Variants in CYREN observed in about 807,000 individuals in gnomAD.
CYREN encodes cell cycle regulator of non-homologous end joining.
CYREN carries 7 observed loss-of-function variants against 9.7 expected under a neutral mutation model. The ratio of observed to expected loss-of-function variants is 0.72; its 90% CI spans 0.41 to 1.36. The LOEUF (loss-of-function observed/expected upper bound fraction) is 1.36. Ranked by LOEUF, CYREN falls within the 40% of genes most tolerant of loss-of-function variation. CYREN has a pLI of 0.01. For missense variants in CYREN, 215 were observed against 198.1 expected, an observed-to-expected ratio of 1.09 and a Z score of -0.51; for synonymous variants, 76 against 77.9, an observed-to-expected ratio of 0.98 and a Z score of 0.13.
chr7:135,109,651 C>T (rs1329994767), intron 2 of CYREN, among the ~76,000 whole-genome samples: 1 of 152,188 alleles, frequency 6.6e-6, no homozygotes, highest in Non-Finnish European at 1.5e-5. Context: ...GAAACTGTTG[C>T]TGACAGAAAA....
At chr7:135,160,861 G>A (rs767519449), downstream of CYREN, among the ~76,000 whole-genome samples, 1 of 152,222 alleles carries the variant, frequency 6.6e-6, no homozygotes, top group Non-Finnish European at 1.5e-5. Context: ...CAGAGTGTGG[G>A]CTGAAGGAGC....
intron 2 of CYREN, chr7:135,168,583 G>T: frequency 1.5e-6 from 1 of 683,864 alleles, no homozygotes; most frequent in Non-Finnish European, 2.4e-6. Context: ...TGCAGAGGCA[G>T]AAGTGGGTGC....
chr7:135,092,628 T>C (rs1012289966), exon 3 of CYREN: 16 of 152,140 alleles, frequency 1.1e-4, no homozygotes, highest in African/African-American at 3.6e-4. Context: ...ATGCTACTTA[T>C]TGTGTTATGG....
rs1468123700 is a variant in CYREN, at chr7:135,145,573, T to C, written n.356+23176A>G. Among the ~76,000 whole-genome samples, 8 of 152,322 alleles carry C rather than the reference T, an allele frequency of 5.3e-5. No homozygotes were observed. The South Asian group carries it at 1.0e-3, about 20-fold the overall frequency. ...TACTTGATGCATAGAAATTTATTCA[T>C]AGAAGATTTGATAAAGATTTGAGGG... On this transcript the variant is annotated intron_variant and non_coding_transcript_variant, in intron 2 of 2. Transcript: ENST00000459937.
At chr7:135,169,156 CA>C in intron 1 of CYREN, 96 bp from the exon 2 acceptor site, 1 of 400,698 alleles carries the variant, frequency 2.5e-6, no homozygotes, top group Non-Finnish European at 4.5e-6. Flanking sequence ...GACCAAGGCC[CA>C]AGAGACTCAG....
At chr7:135,121,201 G>A (rs1413195844) in intron 2 of CYREN, among the ~76,000 whole-genome samples, 6 of 152,050 alleles carry the variant, frequency 3.9e-5, no homozygotes, top group Non-Finnish European at 5.9e-5. Context: ...ACAAAACTCC[G>A]TCTCAAAAAA....
chr7:135,162,769 A>G (rs1468320868), downstream of CYREN, among the ~76,000 whole-genome samples: 2 of 152,234 alleles, frequency 1.3e-5, no homozygotes, highest in Non-Finnish European at 2.9e-5. Flanking sequence ...AAACCATATC[A>G]GCCGAAACTT....
At chr7:135,149,406 C>T (rs1338045256) in intron 2 of CYREN, among the ~76,000 whole-genome samples, 1 of 152,020 alleles carries the variant, frequency 6.6e-6, no homozygotes, top group African/African-American at 2.4e-5. Context: ...AGTATTTTAT[C>T]CTTGATACAT....
chr7:135,165,264 A>G (rs529622083), downstream of CYREN: 7 of 390,390 alleles, frequency 1.8e-5, no homozygotes, highest in Non-Finnish European at 2.4e-5. Context: ...TGTCACACCA[A>G]TTCCTGCTTT....
rs192506087 is a variant in CYREN at position 135,122,228 on chromosome 7, C to T, written n.357-27646G>A. ...TCAGGGAGGCTGAACAGCTTGGTTC[C>T]AAGACATGTTCCCCAAAGCCCAACA... On this transcript the variant is annotated intron_variant and non_coding_transcript_variant, in intron 2 of 2. Transcript: ENST00000459937. Among the ~76,000 whole-genome samples the T allele has an allele frequency of 2.9e-4, 44 of 152,314 alleles. 1 individual carries two copies. The East Asian group carries it at 6.6e-3, about 23-fold the overall frequency.
chr7:135,143,461 C>T (rs1274680112), intron 2 of CYREN, among the ~76,000 whole-genome samples: 1 of 152,060 alleles, frequency 6.6e-6, no homozygotes, highest in Non-Finnish European at 1.5e-5. Flanking sequence ...ATTGCCTTCA[C>T]AAAAATTAAC....
Position 135,133,067 on chromosome 7 carries a change from G to GCACACACA in CYREN, n.356+35674_356+35681dup, listed in dbSNP as rs55861736. ...CCAAAACACACACGCACGCATGCGT[G>GCACACACA]CACACACACACACACACACACACAC... On this transcript the variant is annotated intron_variant and non_coding_transcript_variant, in intron 2 of 2. Coordinates refer to the CYREN transcript ENST00000459937. Among the ~76,000 whole-genome samples the GCACACACA allele has an allele frequency of 6.1e-4, 92 of 150,434 alleles. 1 individual carries two copies. Among genetic ancestry groups the GCACACACA allele is most frequent in the African/African-American group, 1.7e-3 (68 of 40,980 alleles).
In CYREN at chr7:135,111,789, C is replaced by G. The variant is rs138310788; in HGVS notation, n.357-17207G>C. Among the ~76,000 whole-genome samples, 19 of 152,254 alleles carry G rather than the reference C, an allele frequency of 1.2e-4. No homozygotes were observed. In the East Asian group the frequency reaches 3.5e-3, roughly 28 times the overall value. ...GTTTTACAGTAGTCCATCCTTTGGTCTTTCTCACCACATACTTTATTTCTG... is the reference window on the plus strand; with the variant it reads ...GTTTTACAGTAGTCCATCCTTTGGTGTTTCTCACCACATACTTTATTTCTG... On this transcript the variant is annotated intron_variant and non_coding_transcript_variant, in intron 2 of 2. Transcript: ENST00000459937.
At chr7:135,120,341 C>T (rs762712180) in intron 2 of CYREN, among the ~76,000 whole-genome samples, 5 of 151,932 alleles carry the variant, frequency 3.3e-5, no homozygotes, top group Non-Finnish European at 7.4e-5. Context: ...GGTAAAAGGA[C>T]ATAAAAGGAG....
intron 2 of CYREN, among the ~76,000 whole-genome samples, chr7:135,146,826 G>C (rs1458640781): frequency 6.6e-6 from 1 of 152,178 alleles, no homozygotes; most frequent in Non-Finnish European, 1.5e-5. Flanking sequence ...AGGAAGAAAG[G>C]GAGAGTGTGG....
chr7:135,121,173 C>G (rs1330968896), intron 2 of CYREN, among the ~76,000 whole-genome samples: 1 of 152,052 alleles, frequency 6.6e-6, no homozygotes, highest in Non-Finnish European at 1.5e-5. Flanking sequence ...CCATTGCACT[C>G]CAGCCTGGGC....
At chr7:135,156,649 C>T (rs1829801163) in intron 2 of CYREN, among the ~76,000 whole-genome samples, 1 of 152,060 alleles carries the variant, frequency 6.6e-6, no homozygotes, top group Non-Finnish European at 1.5e-5. Context: ...TTTCAGATTT[C>T]TCTTGCACTT....
At chr7:135,094,448 A>T (rs1195149599) in exon 3 of CYREN, 2 of 456,696 alleles carry the variant, frequency 4.4e-6, no homozygotes, top group Admixed American at 4.7e-5. Context: ...AAATTGCCAG[A>T]GGCTGAGTGC....
downstream of CYREN, among the ~76,000 whole-genome samples, chr7:135,163,898 C>T (rs1830012785): frequency 6.6e-6 from 1 of 152,128 alleles, no homozygotes; most frequent in Non-Finnish European, 1.5e-5. Flanking sequence ...GTGCCCAGCC[C>T]GAAGCACATA....
Sources: allele counts gnomAD v4.1 joint callset (sites outside exome capture counted in the v4.1 genomes callset), GRCh38; gene constraint gnomAD v4.1.1; transcripts MANE v1.5; gene names NCBI Gene and HGNC (gene_info 2026-07-23, HGNC 2026-07-21).